CLASP2: variants seen among roughly 807,000 people sequenced by gnomAD.
The protein encoded by CLASP2 is cytoplasmic linker associated protein 2.
CLASP2 carries 47 observed loss-of-function variants against 194.4 expected under a neutral mutation model. That is an observed-to-expected ratio of 0.24 (90% CI 0.19 to 0.31). The LOEUF (loss-of-function observed/expected upper bound fraction) is 0.31, where lower values mean the gene tolerates loss of function less well. Among genes scored for constraint, CLASP2 ranks in the 10% least tolerant of loss-of-function variants. The pLI is 1.00. For synonymous variants in CLASP2, 619 were observed against 633.5 expected (o/e 0.98, Z 0.34); for missense variants, 1,445 against 1,823.6 (o/e 0.79, Z 3.78).
At chr3:33,590,875 A>C (rs575336397) in intron 21 of CLASP2, among the ~76,000 whole-genome samples, 104 of 152,296 alleles carry the variant, frequency 6.8e-4, no homozygotes, top group Non-Finnish European at 1.3e-3. Context: ...AGTTAAATTT[A>C]TTTCTTTCAA....
At chr3:33,653,657 A>G (rs1375865922) in intron 7 of CLASP2, among the ~76,000 whole-genome samples, 1 of 152,198 alleles carries the variant, frequency 6.6e-6, no homozygotes, top group Non-Finnish European at 1.5e-5. Context: ...GATATACATG[A>G]TGAGTACCAT....
chr3:33,656,381 T>C (rs1401402254), intron 7 of CLASP2, among the ~76,000 whole-genome samples: 1 of 152,124 alleles, frequency 6.6e-6, no homozygotes, highest in Non-Finnish European at 1.5e-5. Context: ...GAAGGAAATA[T>C]AAATAACCAA....
intron 36 of CLASP2, among the ~76,000 whole-genome samples, chr3:33,513,983 A>C (rs1256463447): frequency 6.6e-6 from 1 of 151,834 alleles, no homozygotes; most frequent in Non-Finnish European, 1.5e-5. Flanking sequence ...ATTTCCTTTG[A>C]TTTTTTATTT....
chr3:33,695,219 A>ATTTTTT (rs1559662680), intron 2 of CLASP2, among the ~76,000 whole-genome samples: 3 of 93,314 alleles, frequency 3.2e-5, no homozygotes, highest in African/African-American at 8.3e-5. Flanking sequence ...TAAGCCTGCT[A>ATTTTTT]ATTTTTTTTT....
intron 13 of CLASP2, among the ~76,000 whole-genome samples, chr3:33,610,102 G>T (rs1209762161): frequency 2.0e-5 from 3 of 152,154 alleles, no homozygotes; most frequent in African/African-American, 7.2e-5. Context: ...GTTCAACACA[G>T]TTCTAGTTCA....
chr3:33,706,721 A>T (rs1345280328), intron 1 of CLASP2, among the ~76,000 whole-genome samples: 1 of 152,108 alleles, frequency 6.6e-6, no homozygotes, highest in Non-Finnish European at 1.5e-5. Context: ...CAGCACTTTG[A>T]GATGCCAAGA....
chr3:33,500,405 T>C (rs1028022162), intron 38 of CLASP2, among the ~76,000 whole-genome samples: 1 of 152,192 alleles, frequency 6.6e-6, no homozygotes, highest in African/African-American at 2.4e-5. Context: ...ACTGGCTACC[T>C]ACTGTTCTGA....
rs1164549638 is a variant in CLASP2 at position 33,707,155 on chromosome 3, A to G, written c.196-10222T>C. On this transcript the variant is annotated intron_variant, in intron 1 of 38. Coordinates refer to ENST00000682230, the MANE Select transcript of CLASP2 (RefSeq NM_001365631.1). The stretch of plus-strand genomic sequence containing the variant: ...TGGCTCATTCCCCAGTTGGAGCAGG[A>G]AATACATCTTGTGATACCAGACAGC... Among the ~76,000 whole-genome samples the G allele has an allele frequency of 2.6e-5, 4 of 152,338 alleles. No homozygotes were observed. In the South Asian group the frequency reaches 8.3e-4, roughly 32 times the overall value.
intron 1 of CLASP2, among the ~76,000 whole-genome samples, chr3:33,708,554 A>ATATATGTATATATATATGTATATATG (rs2092840052): frequency 2.1e-5 from 3 of 142,496 alleles, no homozygotes; most frequent in African/African-American, 8.0e-5. Flanking sequence ...GTATATATAT[A>ATATATGTATATATATATGTATATATG]TATATATACA....
At chr3:33,698,133 AGGAAAGGCAC>A (rs959027405) in intron 1 of CLASP2, among the ~76,000 whole-genome samples, 108 of 152,356 alleles carry the variant, frequency 7.1e-4, no homozygotes, top group African/African-American at 2.5e-3. Flanking sequence ...CTGCCTGTGC[AGGAAAGGCAC>A]AAAGGCTCCT....
At chr3:33,697,078 T>C in intron 1 of CLASP2, 145 bp from the exon 2 acceptor site, 1 of 594,784 alleles carries the variant, frequency 1.7e-6, no homozygotes, top group Non-Finnish European at 3.0e-6. Flanking sequence ...TAAACAGTCA[T>C]GAGGTTAAGC....
chr3:33,643,224 C>A (rs1281836196), intron 8 of CLASP2, among the ~76,000 whole-genome samples: 1 of 151,834 alleles, frequency 6.6e-6, no homozygotes, highest in Non-Finnish European at 1.5e-5. Flanking sequence ...TGGTTCAATT[C>A]ATAAAATGTT....
chr3:33,554,594 T>C (rs147252135), intron 29 of CLASP2: 3 of 152,422 alleles, frequency 2.0e-5, no homozygotes, highest in East Asian at 1.9e-4. Flanking sequence ...CAGGAAGATG[T>C]TGGTGTAGAG....
intron 38 of CLASP2, among the ~76,000 whole-genome samples, chr3:33,500,542 T>C (rs1439260335): frequency 6.6e-6 from 1 of 152,096 alleles, no homozygotes; most frequent in African/African-American, 2.4e-5. Context: ...CGACATGTAA[T>C]TGTTTCCATT....
chr3:33,708,098 C>T (rs140385482), intron 1 of CLASP2, among the ~76,000 whole-genome samples: 1 of 152,164 alleles, frequency 6.6e-6, no homozygotes, highest in African/African-American at 2.4e-5. Context: ...CATCTACGCT[C>T]TTAGTAAATT....
chr3:33,552,483 G>C (rs2060193599), intron 29 of CLASP2, among the ~76,000 whole-genome samples: 1 of 152,058 alleles, frequency 6.6e-6, no homozygotes, highest in African/African-American at 2.4e-5. Context: ...GTATATTTGT[G>C]GAATGGTTAT....
chr3:33,618,384 C>T (rs957278558), intron 12 of CLASP2, among the ~76,000 whole-genome samples: 7 of 152,140 alleles, frequency 4.6e-5, no homozygotes, highest in Middle Eastern at 3.2e-3. Context: ...ATGGCTCACG[C>T]CTGTAATCCC....
At chr3:33,599,142 C>T (rs1369014363) in intron 18 of CLASP2, among the ~76,000 whole-genome samples, 1 of 151,574 alleles carries the variant, frequency 6.6e-6, no homozygotes, top group African/African-American at 2.4e-5. Flanking sequence ...TTTTGGAGAA[C>T]GTGGAAAGGT....
chr3:33,709,203 C>T (rs2092879774), intron 1 of CLASP2, among the ~76,000 whole-genome samples: 1 of 152,140 alleles, frequency 6.6e-6, no homozygotes, highest in Non-Finnish European at 1.5e-5. Flanking sequence ...ATATTTCCCC[C>T]TATGTTTTCT....
Sources: gnomAD v4.1 joint callset for allele counts (sites outside exome capture counted in the v4.1 genomes callset) on GRCh38, gnomAD v4.1.1 for gene constraint, MANE v1.5 for transcripts, NCBI Gene and HGNC (gene_info 2026-07-23, HGNC 2026-07-21) for gene names.